The following MYBPC1 variants were observed in gnomAD, a reference collection of about 807,000 sequenced individuals.
The protein encoded by MYBPC1 is myosin-binding protein C, slow-type.
A neutral mutation model predicts 147.1 loss-of-function variants in MYBPC1; 52 were observed. That is an observed-to-expected ratio of 0.35 (90% confidence interval 0.28 to 0.45). The LOEUF is 0.45. Ranked by LOEUF, MYBPC1 falls within the 20% of genes least tolerant of loss-of-function variation. MYBPC1 has a pLI of 1.00. For missense variants in MYBPC1, 1,228 were observed against 1,440.3 expected (o/e 0.85, Z 2.39); for synonymous variants, 477 against 475.9 (o/e 1.00, Z -0.03).
Position 101,614,520 on chromosome 12 carries a change from C to G in MYBPC1, c.50C>G (p.Pro17Arg), listed in dbSNP as rs779553009. The G allele has an allele frequency of 1.9e-6, 3 of 1,613,770 alleles. No homozygotes were observed. Among genetic ancestry groups the G allele is most frequent in the Non-Finnish European group, 2.5e-6 (3 of 1,179,938 alleles). The change falls in exon 2 of 32, where the codon CCA (proline) becomes CGA (arginine). Residue 17 changes from proline to arginine, a missense_variant. Physicochemically the swap from Pro to Arg is moderately radical, Grantham distance 103 (BLOSUM62 -2). Transcript: ENST00000361466. ...GAAAATGAAGTGCCAGCCCCAGCCC[C>G]ACCCCCGGAAGGTGAGTAAAAACAC... ...KEENEVPAPA[P>R]PPEEPSKEKE...
chr12:101,618,950 C>T (rs143504090), intron 3 of MYBPC1, among the ~76,000 whole-genome samples: 108 of 150,802 alleles, frequency 7.2e-4, no homozygotes, highest in African/African-American at 2.6e-3. Flanking sequence ...ATTTGCCTTA[C>T]ATACCTAGGA....
At chr12:101,629,797 C>T (rs543928252) in intron 6 of MYBPC1, among the ~76,000 whole-genome samples, 19 of 151,804 alleles carry the variant, frequency 1.3e-4, no homozygotes, top group Non-Finnish European at 2.1e-4. Flanking sequence ...CGCTTGAACC[C>T]ACGAGGCGGA....
At chr12:101,693,847 A>G in the MYBPC1 span, among the ~76,000 whole-genome samples, 2 of 152,252 alleles carry the variant, frequency 1.3e-5, no homozygotes, top group Non-Finnish European at 2.9e-5. Context: ...CATAGCAGCC[A>G]TGTGGCCAGG....
intron 8 of MYBPC1, among the ~76,000 whole-genome samples, chr12:101,633,638 G>C (rs1038852301): frequency 3.3e-5 from 5 of 151,110 alleles, no homozygotes; most frequent in East Asian, 2.0e-4. Flanking sequence ...AGTGAGACAA[G>C]ACCGCGCCAT....
chr12:101,658,735 T>C (rs951307546), intron 18 of MYBPC1, among the ~76,000 whole-genome samples: 6 of 152,058 alleles, frequency 3.9e-5, no homozygotes, highest in Non-Finnish European at 7.4e-5. Flanking sequence ...ACATTAGAAT[T>C]TGGCTGATAT....
intron 1 of MYBPC1, among the ~76,000 whole-genome samples, chr12:101,605,345 G>A (rs888292174): frequency 1.3e-5 from 2 of 152,100 alleles, no homozygotes; most frequent in African/African-American, 4.8e-5. Flanking sequence ...ACCTGAGTTT[G>A]TTTTAAAAAT....
chr12:101,657,351 T>C (rs145802931), intron 18 of MYBPC1, among the ~76,000 whole-genome samples: 10 of 152,246 alleles, frequency 6.6e-5, no homozygotes, highest in African/African-American at 2.4e-4. Context: ...AAAGACATGA[T>C]ACAAATTAGT....
At chr12:101,640,428 A>G (rs955914758) in intron 10 of MYBPC1, among the ~76,000 whole-genome samples, 1 of 152,220 alleles carries the variant, frequency 6.6e-6, no homozygotes, top group African/African-American at 2.4e-5. Flanking sequence ...GCAAATTATT[A>G]CCAATATTCC....
rs762048975 is a variant in MYBPC1 at position 101,632,119 on chromosome 12, A to G, written c.537A>G (p.Ser179=). The G allele has an allele frequency of 6.2e-7, 1 of 1,612,350 alleles. No individual in the cohort carries two copies. The highest frequency in any genetic ancestry group is 1.7e-5 in the Admixed American group (1 of 60,026). ...VTYKDKFDSC[S]FDLEVHESTG... Reference sequence around the variant, plus strand: ...ATAAGGATAAGTTTGACAGCTGTTCATTTGATCTTGAAGTGCACGGTAAGA... The same window carrying G: ...ATAAGGATAAGTTTGACAGCTGTTCGTTTGATCTTGAAGTGCACGGTAAGA... The change falls in exon 8 of 32, where the codon TCA becomes TCG. Residue 179 remains serine, a synonymous_variant. Coordinates refer to ENST00000361466, the MANE Select transcript of MYBPC1 (RefSeq NM_002465.4).
At chr12:101,661,084 A>G in intron 19 of MYBPC1, 74 bp from the exon 20 acceptor site, 2 of 890,726 alleles carry the variant, frequency 2.2e-6, no homozygotes, top group Admixed American at 2.0e-5. Flanking sequence ...ACCAAGAAAC[A>G]TATTTTCCTA....
intron 1 of MYBPC1, among the ~76,000 whole-genome samples, chr12:101,595,908 AAAAT>A (rs1402029845): frequency 6.6e-6 from 1 of 152,168 alleles, no homozygotes; most frequent in Non-Finnish European, 1.5e-5. Flanking sequence ...AGTAGTTATG[AAAAT>A]AAATAATAAT....
At chr12:101,634,235 G>A (rs1425459129) in intron 8 of MYBPC1, among the ~76,000 whole-genome samples, 1 of 152,182 alleles carries the variant, frequency 6.6e-6, no homozygotes, top group Non-Finnish European at 1.5e-5. Context: ...ATTTCTGGGT[G>A]CCCCTCCCTG....
chr12:101,667,840 C>T lies in MYBPC1; in HGVS notation c.2465C>T (p.Ala822Val). Reference sequence around the variant, plus strand: ...TTTGTGCGTGTGAAGGCTGTTAATGCAGCTGGTGCCAGCGAGCCCAAGTAC... The same window carrying T: ...TTTGTGCGTGTGAAGGCTGTTAATGTAGCTGGTGCCAGCGAGCCCAAGTAC... ...KIFVRVKAVN[A>V]AGASEPKYYS... Residue 822 changes from alanine (A) to valine (V), a missense_variant, in exon 23 of 32, where the codon GCA becomes GTA. Ala to Val is a moderately conservative substitution (Grantham distance 64). Coordinates refer to ENST00000361466, the MANE Select transcript of MYBPC1 (RefSeq NM_002465.4). 1.2e-6 allele frequency: 2 copies of T among 1,614,190 alleles called. No individual in the cohort carries two copies. The highest frequency in any genetic ancestry group is 1.3e-5 in the African/African-American group (1 of 75,064).
chr12:101,671,850 G>A (rs1189746267), intron 24 of MYBPC1, among the ~76,000 whole-genome samples: 1 of 152,208 alleles, frequency 6.6e-6, no homozygotes, highest in Non-Finnish European at 1.5e-5. Context: ...GAAGGGAGAT[G>A]AGACCAAAGT....
At chr12:101,661,006 A>G in intron 19 of MYBPC1, 152 bp from the exon 20 acceptor site, 1 of 576,672 alleles carries the variant, frequency 1.7e-6, no homozygotes, top group East Asian at 3.1e-5. Context: ...GACACAGCCA[A>G]ACCATATCAT....
chr12:101,634,118 T>A (rs1469701139), intron 8 of MYBPC1, among the ~76,000 whole-genome samples: 2 of 152,100 alleles, frequency 1.3e-5, no homozygotes, highest in African/African-American at 4.8e-5. Flanking sequence ...GCCAGGCTGG[T>A]CGCGATCTCC....
chr12:101,667,665 T>C (rs1374652787), intron 22 of MYBPC1, 67 bp from the exon 23 acceptor site: 7 of 1,566,314 alleles, frequency 4.5e-6, no homozygotes, highest in African/African-American at 4.1e-5. Flanking sequence ...TTGACTGTAA[T>C]GGTTAAGATG....
chr12:101,644,760 G>T lies in MYBPC1; in HGVS notation c.929G>T (p.Trp310Leu). The change falls in exon 12 of 32, where the codon TGG (tryptophan) becomes TTG (leucine). Residue 310 changes from tryptophan (W) to leucine (L), a missense_variant. This residue lies in a region of MYBPC1 where 1,077 missense variants were observed against 1,314.2 expected (regional missense o/e 0.82). Transcript: ENST00000361466. ...ELADPKLEVK[W>L]YKNGQEIRPS... ...GCAGATCCAAAGTTGGAGGTGAAAT[G>T]GTATAAAAATGGTCAAGAAATTCGA... 6.2e-7 allele frequency: 1 copy of T among 1,614,002 alleles called. No individual in the cohort carries two copies. Among genetic ancestry groups the T allele is most frequent in the Non-Finnish European group, 8.5e-7 (1 of 1,179,964 alleles).
chr12:101,669,980 A>G (rs1323439131), intron 23 of MYBPC1: 1 of 410,520 alleles, frequency 2.4e-6, no homozygotes, highest in Non-Finnish European at 4.6e-6. Context: ...CATAGTATGT[A>G]TAAGGCCCTA....
Sources: gnomAD v4.1 joint callset for allele counts (sites outside exome capture counted in the v4.1 genomes callset) on GRCh38, gnomAD v4.1.1 for gene constraint, gnomAD v4.1.1 regional missense constraint, MANE v1.5 for transcripts, NCBI Gene and HGNC (gene_info 2026-07-23, HGNC 2026-07-21) for gene names.